Variants in PXDNL observed in about 807,000 individuals in gnomAD.
PXDNL encodes probable oxidoreductase PXDNL.
PXDNL carries 145 observed loss-of-function variants against 150.8 expected under a neutral mutation model. The observed-to-expected ratio is 0.96, with a 90% CI of 0.84 to 1.10. The LOEUF is 1.10. PXDNL is among the 50% of genes least tolerant of loss of function. PXDNL has a pLI of 0.00. For missense variants in PXDNL, 2,087 were observed against 1,873.9 expected, an observed-to-expected ratio of 1.11 and a Z score of -2.10; for synonymous variants, 757 against 725.7, an observed-to-expected ratio of 1.04 and a Z score of -0.69.
At chr8:51,360,608 AG>A (rs1218800690) in intron 19 of PXDNL, among the ~76,000 whole-genome samples, 1 of 152,148 alleles carries the variant, frequency 6.6e-6, no homozygotes, top group Non-Finnish European at 1.5e-5. Context: ...TTGTTAAATT[AG>A]GTTTAGACCA....
At chr8:51,403,082 C>G (rs1427676138) in intron 17 of PXDNL, among the ~76,000 whole-genome samples, 1 of 143,666 alleles carries the variant, frequency 7.0e-6, no homozygotes, top group Non-Finnish European at 1.5e-5. Flanking sequence ...AGCCAAACTC[C>G]CTCTCCAAAA....
intron 13 of PXDNL, among the ~76,000 whole-genome samples, chr8:51,425,715 GA>G (rs1368114207): frequency 1.3e-5 from 2 of 151,852 alleles, no homozygotes; most frequent in Admixed American, 6.6e-5. Context: ...CAGCTACTCG[GA>G]GAGGCTGAGG....
At chr8:51,790,819 T>C (rs28659821) in intron 1 of PXDNL, among the ~76,000 whole-genome samples, 6,856 of 35,570 alleles carry the variant, frequency 0.19, 1,291 homozygotes, top group African/African-American at 0.23. Flanking sequence ...TGTGTGAGTG[T>C]TTCCAGTGCT....
intron 1 of PXDNL, among the ~76,000 whole-genome samples, chr8:51,708,927 G>A (rs1237333280): frequency 1.3e-5 from 2 of 152,116 alleles, no homozygotes; most frequent in African/African-American, 4.8e-5. Flanking sequence ...GGGACCAGAT[G>A]AGATAATTAG....
intron 1 of PXDNL, among the ~76,000 whole-genome samples, chr8:51,807,464 C>A (rs891015373): frequency 6.6e-6 from 1 of 152,174 alleles, no homozygotes; most frequent in Non-Finnish European, 1.5e-5. Flanking sequence ...TTGGGAGTTA[C>A]AATTGAACAT....
intron 2 of PXDNL, among the ~76,000 whole-genome samples, chr8:51,634,578 A>T (rs1246625103): frequency 6.6e-6 from 1 of 152,120 alleles, no homozygotes; most frequent in Admixed American, 6.6e-5. Context: ...CAGTGTGGCC[A>T]TTTTAATAAT....
intron 4 of PXDNL, 29 bp downstream of exon 4, chr8:51,556,811 G>T (rs1426472561): frequency 1.7e-6 from 2 of 1,196,272 alleles, no homozygotes; most frequent in Admixed American, 3.4e-5. Flanking sequence ...CACCATGAGT[G>T]ATTTAATAAA....
chr8:51,638,967 C>A (rs940301571), intron 2 of PXDNL, among the ~76,000 whole-genome samples: 3 of 152,142 alleles, frequency 2.0e-5, no homozygotes, highest in East Asian at 1.9e-4. Context: ...CACTCCTCAG[C>A]AAATGTAAAA....
chr8:51,520,981 GC>G (rs1455057944), intron 4 of PXDNL, among the ~76,000 whole-genome samples: 1 of 152,150 alleles, frequency 6.6e-6, no homozygotes, highest in African/African-American at 2.4e-5. Flanking sequence ...CAGCACTTCG[GC>G]TGGGTGGGAG....
At chr8:51,611,663 TC>T (rs1177670577) in intron 2 of PXDNL, among the ~76,000 whole-genome samples, 1 of 152,196 alleles carries the variant, frequency 6.6e-6, no homozygotes, top group Non-Finnish European at 1.5e-5. Flanking sequence ...GCAGGAAGTT[TC>T]CCAGGAGGGA....
intron 1 of PXDNL, among the ~76,000 whole-genome samples, chr8:51,793,567 C>G (rs1342273774): frequency 2.6e-5 from 4 of 152,028 alleles, no homozygotes; most frequent in African/African-American, 9.7e-5. Flanking sequence ...TGTTCTAACC[C>G]AATGTAGAGC....
In PXDNL at chr8:51,319,963, T is replaced by C; in HGVS notation, c.4320A>G (p.Glu1440=). The change falls in exon 23 of 23, where the codon GAA becomes GAG. Residue 1440 remains glutamate (E), a synonymous_variant. Transcript: ENST00000356297. ...ICPPAPCPSP[E]LVKGTCCPVC... ...CTGGACAGCAGGTTCCTTTCACCAA[T>C]TCAGGACTGGGACAGGGAGCCGGGG... 2 of 1,581,260 alleles carry C rather than the reference T, an allele frequency of 1.3e-6. No individual in the cohort carries two copies. Among genetic ancestry groups the C allele is most frequent in the South Asian group, 2.3e-5 (2 of 85,916 alleles).
chr8:51,379,042 C>A (rs1222197839), intron 17 of PXDNL, among the ~76,000 whole-genome samples: 1 of 152,212 alleles, frequency 6.6e-6, no homozygotes, highest in Non-Finnish European at 1.5e-5. Context: ...AGCGCTAGGA[C>A]TCCCCAGCCT....
intron 17 of PXDNL, among the ~76,000 whole-genome samples, chr8:51,402,785 G>C (rs116060764): frequency 3.3e-4 from 50 of 152,164 alleles, no homozygotes; most frequent in Middle Eastern, 3.4e-3. Flanking sequence ...AGAGTGGCCA[G>C]GCGTGGTGTA....
chr8:51,411,506 CGAGAA>C (rs1033646727), intron 15 of PXDNL, 99 bp from the exon 16 acceptor site: 5 of 1,126,262 alleles, frequency 4.4e-6, no homozygotes, highest in Non-Finnish European at 6.0e-6. Context: ...CCCAAACATT[CGAGAA>C]GAATGAAAGC....
intron 1 of PXDNL, among the ~76,000 whole-genome samples, chr8:51,788,935 C>T (rs896223346): frequency 1.3e-5 from 2 of 150,342 alleles, no homozygotes; most frequent in South Asian, 4.2e-4. Context: ...TCAAATGAAC[C>T]CCAGTACTCC....
intron 4 of PXDNL, among the ~76,000 whole-genome samples, chr8:51,536,224 T>C (rs949281460): frequency 6.6e-6 from 1 of 152,176 alleles, no homozygotes; most frequent in African/African-American, 2.4e-5. Context: ...TATACAGTTA[T>C]AGAGCTTGAG....
intron 1 of PXDNL, among the ~76,000 whole-genome samples, chr8:51,804,281 C>T (rs2037652322): frequency 6.6e-6 from 1 of 152,186 alleles, no homozygotes; most frequent in Non-Finnish European, 1.5e-5. Flanking sequence ...AGGAGGCAAT[C>T]GGATACAGAT....
At chr8:51,611,588 A>C (rs1208647436) in intron 2 of PXDNL, among the ~76,000 whole-genome samples, 3 of 152,256 alleles carry the variant, frequency 2.0e-5, no homozygotes, top group Non-Finnish European at 2.9e-5. Flanking sequence ...AATGTCTTAC[A>C]AATTTTTGTG....
Sources: allele counts gnomAD v4.1 joint callset (sites outside exome capture counted in the v4.1 genomes callset), GRCh38; gene constraint gnomAD v4.1.1; transcripts MANE v1.5; gene names NCBI Gene and HGNC (gene_info 2026-07-23, HGNC 2026-07-21).